Variants in RAD54L2 observed in about 807,000 individuals in gnomAD.
RAD54L2 encodes helicase ARIP4.
A neutral mutation model predicts 138.4 loss-of-function variants in RAD54L2; 27 were observed. That is an observed-to-expected ratio of 0.20 (90% CI 0.14 to 0.27). The LOEUF (loss-of-function observed/expected upper bound fraction) is 0.27, where lower values mean the gene tolerates loss of function less well. Ranked by LOEUF, RAD54L2 falls within the 10% of genes least tolerant of loss-of-function variation. The pLI, the probability that RAD54L2 is intolerant of heterozygous loss-of-function variation, is 1.00. For missense variants in RAD54L2, 1,396 were observed against 1,890.2 expected (o/e 0.74, Z 4.85); for synonymous variants, 644 against 723.2 (o/e 0.89, Z 1.76).
chr3:51,576,316 GT>G (rs1412076752), intron 2 of RAD54L2, among the ~76,000 whole-genome samples: 2 of 152,000 alleles, frequency 1.3e-5, no homozygotes, highest in Admixed American at 1.3e-4. Context: ...CTCTTTTTTT[GT>G]TGTGTCTTTG....
intron 19 of RAD54L2, among the ~76,000 whole-genome samples, chr3:51,648,197 G>T (rs1215348739): frequency 6.6e-6 from 1 of 152,214 alleles, no homozygotes; most frequent in Non-Finnish European, 1.5e-5. Context: ...CTCACTGCTA[G>T]TGCAGCAGTC....
At chr3:51,633,456 AC>A in intron 7 of RAD54L2, 120 bp from the exon 8 acceptor site, 2 of 963,746 alleles carry the variant, frequency 2.1e-6, no homozygotes, top group Non-Finnish European at 3.1e-6. Context: ...ATGGCCATCC[AC>A]ACCTGCTATC....
chr3:51,619,336 C>T (rs1156831485), intron 3 of RAD54L2, among the ~76,000 whole-genome samples: 3 of 152,258 alleles, frequency 2.0e-5, no homozygotes, highest in Admixed American at 6.5e-5. Context: ...GGATTATAGG[C>T]GTGAGCCACC....
intron 14 of RAD54L2, among the ~76,000 whole-genome samples, chr3:51,641,371 G>A (rs1184770245): frequency 3.3e-5 from 5 of 150,970 alleles, no homozygotes; most frequent in Non-Finnish European, 7.4e-5. Flanking sequence ...CCAGGCTGGA[G>A]TGCAATGGCG....
intron 2 of RAD54L2, among the ~76,000 whole-genome samples, chr3:51,589,665 CATAT>C (rs34093585): frequency 8.6e-5 from 11 of 127,928 alleles, no homozygotes; most frequent in South Asian, 2.9e-4. Flanking sequence ...GGACTCTATA[CATAT>C]ATATATATAT....
chr3:51,654,672 T>G (rs1701552562), intron 19 of RAD54L2, among the ~76,000 whole-genome samples: 1 of 151,996 alleles, frequency 6.6e-6, no homozygotes, highest in African/African-American at 2.4e-5. Context: ...CTGTGTAACC[T>G]CAGGAGTGGA....
At chr3:51,629,065 C>T (rs1700768045) in intron 4 of RAD54L2, among the ~76,000 whole-genome samples, 1 of 152,152 alleles carries the variant, frequency 6.6e-6, no homozygotes, top group Non-Finnish European at 1.5e-5. Context: ...TCAAATATTA[C>T]TCTAGTTTAT....
At chr3:51,605,559 T>G (rs555739922) in intron 3 of RAD54L2, among the ~76,000 whole-genome samples, 1 of 150,668 alleles carries the variant, frequency 6.6e-6, no homozygotes, top group Non-Finnish European at 1.5e-5. Flanking sequence ...TTGCAGCGAT[T>G]CTCCTGCCTC....
chr3:51,545,397 G>A (rs1698665443), intron 2 of RAD54L2, among the ~76,000 whole-genome samples: 1 of 151,662 alleles, frequency 6.6e-6, no homozygotes, highest in African/African-American at 2.4e-5. Flanking sequence ...TTACCATGTT[G>A]GTCAGTCTGA....
intron 2 of RAD54L2, among the ~76,000 whole-genome samples, chr3:51,574,647 T>C (rs1393000143): frequency 6.6e-6 from 1 of 152,228 alleles, no homozygotes; most frequent in Non-Finnish European, 1.5e-5. Context: ...ATGTCTTCTT[T>C]TGAGAAGTAT....
At chr3:51,597,029 G>A (rs528749982) in intron 3 of RAD54L2, among the ~76,000 whole-genome samples, 107 of 152,180 alleles carry the variant, frequency 7.0e-4, no homozygotes, top group African/African-American at 2.5e-3. Flanking sequence ...GCCGGGCGTG[G>A]TGGCAGGCGC....
At chr3:51,578,137 C>G (rs1004083133) in intron 2 of RAD54L2, among the ~76,000 whole-genome samples, 3 of 141,928 alleles carry the variant, frequency 2.1e-5, no homozygotes, top group African/African-American at 7.7e-5. Context: ...CCCCCACACT[C>G]CCCCCCTGCC....
chr3:51,601,368 C>T (rs921859489), intron 3 of RAD54L2, among the ~76,000 whole-genome samples: 1 of 144,994 alleles, frequency 6.9e-6, no homozygotes, highest in Non-Finnish European at 1.5e-5. Context: ...AGTGCAATAG[C>T]GTGATCTTGG....
chr3:51,637,331 T>A lies in RAD54L2; in HGVS notation c.1510T>A (p.Cys504Ser). 6.2e-7 allele frequency: 1 copy of A among 1,613,666 alleles called. No homozygotes were observed. The highest frequency in any genetic ancestry group is 8.5e-7 in the Non-Finnish European group (1 of 1,179,788). Residue 504 changes from cysteine (C) to serine (S), a missense_variant, in exon 11 of 23, where the codon TGC becomes AGC. Coordinates refer to ENST00000684192, the MANE Select transcript of RAD54L2 (RefSeq NM_015106.4). This position sits in a 1 kb window ranked among gnomAD's most constrained non-coding sequence, Gnocchi z 5.9. ...PLQNNLIEYW[C>S]MVDFVRPDFL... is the part of the protein sequence containing the mutation. ...GCAAAACAACCTCATTGAGTACTGG[T>A]GCATGGTGGACTTTGTGCGCCCAGA... is the stretch of plus-strand genomic sequence containing the variant.
chr3:51,614,998 TTA>T (rs2106767214), intron 3 of RAD54L2, among the ~76,000 whole-genome samples: 2 of 151,870 alleles, frequency 1.3e-5, no homozygotes, highest in African/African-American at 4.8e-5. Context: ...TTTTAATTAA[TTA>T]ATATTTTATT....
chr3:51,655,116 T>C (rs1374359001), intron 19 of RAD54L2, among the ~76,000 whole-genome samples: 1 of 152,118 alleles, frequency 6.6e-6, no homozygotes, highest in African/African-American at 2.4e-5. Context: ...TGAGGCATCA[T>C]GCAGACCAGC....
intron 2 of RAD54L2, among the ~76,000 whole-genome samples, chr3:51,561,830 C>T (rs1256608593): frequency 6.6e-6 from 1 of 152,044 alleles, no homozygotes; most frequent in Admixed American, 6.6e-5. Context: ...GCTGGAATTA[C>T]AGGTGTGGGT....
chr3:51,618,682 C>G (rs537021802), intron 3 of RAD54L2, among the ~76,000 whole-genome samples: 2 of 152,290 alleles, frequency 1.3e-5, no homozygotes, highest in South Asian at 4.1e-4. Context: ...ACAATAAGAT[C>G]TTGGACTTTG....
Position 51,665,622 on chromosome 3 carries a change from T to C in RAD54L2, c.*2202T>C, listed in dbSNP as rs770610418. The C allele has an allele frequency of 6.6e-6, 1 of 152,354 alleles. No individual in the cohort carries two copies. The highest frequency in any genetic ancestry group is 1.9e-4 in the East Asian group (1 of 5,190). The allele number at this position is 152,354 out of a possible 1,614,324, so 9.4% of individuals were successfully genotyped here. A position where few individuals can be genotyped will look rare whatever the true frequency, so the allele number is the denominator to read the frequency against. Reference sequence around the variant, plus strand: ...GCAGTTCCAACCAGTGCTTTCTCTTTCAGATGCATCCCAAGAATGGATGGT... The same window carrying C: ...GCAGTTCCAACCAGTGCTTTCTCTTCCAGATGCATCCCAAGAATGGATGGT... On this transcript the variant is annotated 3_prime_UTR_variant, in exon 23 of 23. Coordinates refer to ENST00000684192, the MANE Select transcript of RAD54L2 (RefSeq NM_015106.4).
Sources: allele counts gnomAD v4.1 joint callset (sites outside exome capture counted in the v4.1 genomes callset), GRCh38; gene constraint gnomAD v4.1.1; non-coding constraint Gnocchi (gnomAD v3.1); transcripts MANE v1.5; gene names NCBI Gene and HGNC (gene_info 2026-07-23, HGNC 2026-07-21).